HARBI1: variants seen among roughly 807,000 people sequenced by gnomAD.
The protein encoded by HARBI1 is harbinger transposase derived 1.
A neutral mutation model predicts 25.3 loss-of-function variants in HARBI1; 15 were observed. That is an observed-to-expected ratio of 0.59 (90% CI 0.40 to 0.91). The LOEUF is 0.91. Ranked by LOEUF, HARBI1 falls within the 40% of genes least tolerant of loss-of-function variation. The pLI is 0.00. For missense variants in HARBI1, 396 were observed against 445.8 expected (o/e 0.89, Z 1.01); for synonymous variants, 168 against 160.5 (o/e 1.05, Z -0.35).
Position 46,615,783 on chromosome 11 carries a change from T to C in HARBI1, c.455A>G (p.His152Arg), listed in dbSNP as rs1348399062. The C allele has an allele frequency of 1.9e-6, 3 of 1,614,056 alleles. No homozygotes were observed. In the East Asian group the frequency reaches 6.7e-5, roughly 36 times the overall value. Residue 152 changes from histidine to arginine, a missense_variant, in exon 2 of 3, where the codon CAT becomes CGT. Physicochemically the swap from His to Arg is conservative, Grantham distance 29. Coordinates refer to ENST00000326737, the MANE Select transcript of HARBI1 (RefSeq NM_173811.4). ...PGVMGVVDCI[H>R]VAIKAPNAED... Reference sequence around the variant, plus strand: ...AGCATTTGGTGCCTTGATGGCCACATGGATACAGTCAACCACCCCCATCAC... The same window carrying C: ...AGCATTTGGTGCCTTGATGGCCACACGGATACAGTCAACCACCCCCATCAC...
upstream of HARBI1, chr11:46,617,767 G>A (rs560440788): frequency 1.6e-4 from 63 of 399,012 alleles, no homozygotes; most frequent in East Asian, 2.2e-3. Flanking sequence ...GTCTATCGGC[G>A]ACGTGTACGG....
Position 46,603,339 on chromosome 11 carries a change from T to C in HARBI1, c.*191A>G, listed in dbSNP as rs1342898467. On this transcript the variant is annotated 3_prime_UTR_variant, in exon 3 of 3. Transcript: ENST00000326737. ...AGCCGCTGTCTTGGTTTCAGTTTAATTAATGCATATGCAAATGAATCAAGA... is the reference window on the plus strand; with the variant it reads ...AGCCGCTGTCTTGGTTTCAGTTTAACTAATGCATATGCAAATGAATCAAGA... 5.5e-6 allele frequency: 3 copies of C among 547,818 alleles called. No homozygotes were observed. The East Asian group carries it at 8.8e-5, about 16-fold the overall frequency. The allele number at this position is 547,818 out of a possible 1,614,324, so 33.9% of individuals were successfully genotyped here. A position where few individuals can be genotyped will look rare whatever the true frequency, so the allele number is the denominator to read the frequency against.
intron 2 of HARBI1, among the ~76,000 whole-genome samples, chr11:46,612,255 C>A (rs1485125960): frequency 6.6e-6 from 1 of 152,050 alleles, no homozygotes; most frequent in Non-Finnish European, 1.5e-5. Context: ...TTGCTTGAGA[C>A]CAGCCTGGGC....
Position 46,609,353 on chromosome 11 carries a change from CT to C in HARBI1, c.671-5445del, listed in dbSNP as rs1353121589. On this transcript the variant is annotated intron_variant, in intron 2 of 2. Transcript: ENST00000326737. ...GGGATCACAGGCGTGAGCCACTTTT[CT>C]TTTTTTTTTTAAGATGGAGTCTCAC... Among the ~76,000 whole-genome samples, 55 of 145,742 alleles carry C rather than the reference CT, an allele frequency of 3.8e-4. No homozygotes were observed. In the East Asian group the frequency reaches 5.8e-3, roughly 15 times the overall value.
rs966696176 is a variant in HARBI1, at chr11:46,617,159, C to G, written c.-180G>C. ...CTGCCAGGTTACCAGCCACACTTCC[C>G]ACCCACCCAGCCGGGTTGGGCCCTC... On this transcript the variant is annotated 5_prime_UTR_variant, in exon 1 of 3. Coordinates refer to ENST00000326737, the MANE Select transcript of HARBI1 (RefSeq NM_173811.4). 1 of 268,446 alleles carries G rather than the reference C, an allele frequency of 3.7e-6. No homozygotes were observed. Among genetic ancestry groups the G allele is most frequent in the African/African-American group, 2.3e-5 (1 of 43,562 alleles). The allele number at this position is 268,446 out of a possible 1,614,324, so 16.6% of individuals were successfully genotyped here.
At chr11:46,614,009 A>G (rs1357904354) in intron 2 of HARBI1, among the ~76,000 whole-genome samples, 2 of 151,982 alleles carry the variant, frequency 1.3e-5, no homozygotes, top group African/African-American at 2.4e-5. Context: ...TGCTGCAGCT[A>G]TTGTTTGCAA....
intron 2 of HARBI1, among the ~76,000 whole-genome samples, chr11:46,611,728 G>A (rs139171234): frequency 2.0e-5 from 3 of 151,500 alleles, no homozygotes; most frequent in Non-Finnish European, 4.4e-5. Context: ...AAAAAAAGGT[G>A]GGGGGAACCA....
At chr11:46,614,166 G>A (rs1447122777) in intron 2 of HARBI1, among the ~76,000 whole-genome samples, 2 of 151,138 alleles carry the variant, frequency 1.3e-5, no homozygotes, top group African/African-American at 2.4e-5. Flanking sequence ...GGTGGCTCAC[G>A]CCTGTAATCC....
intron 2 of HARBI1, among the ~76,000 whole-genome samples, chr11:46,614,910 T>C (rs2045316437): frequency 6.6e-6 from 1 of 152,166 alleles, no homozygotes; most frequent in African/African-American, 2.4e-5. Context: ...CACTACATAA[T>C]TTTTCTTTTT....
chr11:46,616,479 T>C, intron 1 of HARBI1, 98 bp from the exon 2 acceptor site: 2 of 1,341,974 alleles, frequency 1.5e-6, no homozygotes, highest in South Asian at 1.8e-5. Flanking sequence ...TCCATTTTGT[T>C]GAGGCAAAAC....
chr11:46,606,946 A>G (rs1269748085), intron 2 of HARBI1, among the ~76,000 whole-genome samples: 1 of 152,154 alleles, frequency 6.6e-6, no homozygotes, highest in Non-Finnish European at 1.5e-5. Flanking sequence ...TACAGGTGTG[A>G]CCACCACACC....
chr11:46,617,548 C>CCA (rs1555033284), upstream of HARBI1: 14 of 248,688 alleles, frequency 5.6e-5, 2 homozygotes, highest in African/African-American at 4.2e-4. Context: ...TCACCCCCCC[C>CCA]CCCCGGCCAT....
intron 2 of HARBI1, among the ~76,000 whole-genome samples, chr11:46,610,653 C>T (rs1357486319): frequency 2.0e-5 from 3 of 152,010 alleles, no homozygotes; most frequent in Non-Finnish European, 2.9e-5. Context: ...AGCGAGACTC[C>T]GTCTCAAAAA....
chr11:46,603,479 G>A lies in HARBI1; in HGVS notation c.*51C>T, dbSNP rs556584273. The A allele has an allele frequency of 1.5e-5, 23 of 1,499,300 alleles. No individual in the cohort carries two copies. In the South Asian group the frequency reaches 2.5e-4, roughly 16 times the overall value. 92.9% of individuals were successfully genotyped at this position (1,499,300 alleles called of 1,614,324 possible). A position where few individuals can be genotyped will look rare whatever the true frequency, so the allele number is the denominator to read the frequency against. On this transcript the variant is annotated 3_prime_UTR_variant, in exon 3 of 3. Transcript: ENST00000326737. ...GGAACTGTGTAAAAGGTGATGAGGAGGAAAGTCTGTCACAACTCCTGGGAA... is the reference window on the plus strand; with the variant it reads ...GGAACTGTGTAAAAGGTGATGAGGAAGAAAGTCTGTCACAACTCCTGGGAA...
intron 2 of HARBI1, among the ~76,000 whole-genome samples, chr11:46,605,523 C>G (rs540952544): frequency 1.3e-5 from 2 of 150,716 alleles, no homozygotes; most frequent in South Asian, 4.2e-4. Context: ...CTGTAAATAT[C>G]TAAGAAGTCT....
At chr11:46,616,970 A>G in intron 1 of HARBI1, 154 bp downstream of exon 1, 1 of 985,288 alleles carries the variant, frequency 1.0e-6, no homozygotes, top group Non-Finnish European at 1.2e-6. Flanking sequence ...GCCAGGAAGT[A>G]CGGAAGACCA....
In HARBI1 at chr11:46,615,879, C is replaced by T. The variant is rs1453119867; in HGVS notation, c.359G>A (p.Arg120His). ...AATGGAGGCTTCATCAGCTGGAAAG[C>T]GAATGAACTGTGAGGCCCTTTCCAC... ...ALVERASQFI[R>H]FPADEASIQA... Residue 120 changes from arginine (R) to histidine (H), a missense_variant, in exon 2 of 3, where the codon CGC becomes CAC. Physicochemically the swap from Arg to His is conservative, Grantham distance 29. Transcript: ENST00000326737. The T allele has an allele frequency of 1.9e-6, 3 of 1,614,186 alleles. No homozygotes were observed. The highest frequency in any genetic ancestry group is 1.7e-5 in the Admixed American group (1 of 60,016).
chr11:46,610,362 T>A (rs1352170334), intron 2 of HARBI1, among the ~76,000 whole-genome samples: 1 of 147,938 alleles, frequency 6.8e-6, no homozygotes, highest in Non-Finnish European at 1.5e-5. Context: ...TATATATATA[T>A]ATAAAATAAT....
At chr11:46,608,197 C>G (rs948849984) in intron 2 of HARBI1, among the ~76,000 whole-genome samples, 3 of 152,080 alleles carry the variant, frequency 2.0e-5, no homozygotes, top group African/African-American at 7.2e-5. Flanking sequence ...ACTCAGGAGG[C>G]TGAGGCAGGA....
Sources: allele counts gnomAD v4.1 joint callset (sites outside exome capture counted in the v4.1 genomes callset), GRCh38; gene constraint gnomAD v4.1.1; transcripts MANE v1.5; gene names NCBI Gene and HGNC (gene_info 2026-07-23, HGNC 2026-07-21).